Variants in ELL observed in about 807,000 individuals in gnomAD.
ELL encodes the protein elongation factor for RNA polymerase II.
ELL carries 18 observed loss-of-function variants against 64.0 expected under a neutral mutation model. The observed-to-expected ratio is 0.28, with a 90% CI of 0.19 to 0.42. The LOEUF (loss-of-function observed/expected upper bound fraction) is 0.42. ELL is among the 10% of genes least tolerant of loss of function. ELL has a pLI of 1.00. For missense variants in ELL, 797 were observed against 870.4 expected, an observed-to-expected ratio of 0.92 and a Z score of 1.06; for synonymous variants, 399 against 376.2, an observed-to-expected ratio of 1.06 and a Z score of -0.70.
In ELL at chr19:18,465,522, A is replaced by C. The variant is rs748308223; in HGVS notation, c.359T>G (p.Val120Gly). Residue 120 changes from valine (V) to glycine (G), a missense_variant, in exon 4 of 12, where the codon GTG becomes GGG. Val to Gly is a moderately radical substitution (Grantham distance 109, BLOSUM62 -3). Coordinates refer to ENST00000262809, the MANE Select transcript of ELL (RefSeq NM_006532.4). ...CTGGTAGGAGTCGTCGGTGGCACACACCGTGATCTTGTCCTGTATGCTGCC... is the reference window on the plus strand; with the variant it reads ...CTGGTAGGAGTCGTCGGTGGCACACCCCGTGATCTTGTCCTGTATGCTGCC... ...CLGSIQDKIT[V>G]CATDDSYQKA... 6.2e-7 allele frequency: 1 copy of C among 1,612,534 alleles called. No homozygotes were observed. Among genetic ancestry groups the C allele is most frequent in the Non-Finnish European group, 8.5e-7 (1 of 1,178,872 alleles).
chr19:18,499,099 G>A (rs1975726907), intron 1 of ELL, among the ~76,000 whole-genome samples: 2 of 152,188 alleles, frequency 1.3e-5, no homozygotes, highest in Admixed American at 1.3e-4. Context: ...TTAAAGCTGA[G>A]GCAGCTCTTG....
Position 18,480,507 on chromosome 19 carries a change from G to A in ELL, c.136-7625C>T, listed in dbSNP as rs555112861. ...AGAGCAGAGGGCAGGACCCACGGCA[G>A]CTCCTCTGCCAGCCTGGGAGGACAG... On this transcript the variant is annotated intron_variant, in intron 1 of 11. Coordinates refer to ENST00000262809, the MANE Select transcript of ELL (RefSeq NM_006532.4). Among the ~76,000 whole-genome samples, 209 of 152,350 alleles carry A rather than the reference G, an allele frequency of 1.4e-3. 1 individual carries two copies. Among genetic ancestry groups the A allele is most frequent in the African/African-American group, 4.9e-3 (203 of 41,586 alleles).
At chr19:18,478,132 C>T (rs113631103) in intron 1 of ELL, among the ~76,000 whole-genome samples, 63 of 152,278 alleles carry the variant, frequency 4.1e-4, no homozygotes, top group African/African-American at 1.3e-3. Flanking sequence ...CTGGTGGGGA[C>T]GCCTGACAGC....
intron 1 of ELL, among the ~76,000 whole-genome samples, chr19:18,511,907 A>T (rs942740410): frequency 6.6e-6 from 1 of 152,008 alleles, no homozygotes; most frequent in Non-Finnish European, 1.5e-5. Flanking sequence ...CTGTAATCCC[A>T]GCACTCTGGG....
At chr19:18,521,307 T>C (rs536319484) in intron 1 of ELL, among the ~76,000 whole-genome samples, 2 of 152,012 alleles carry the variant, frequency 1.3e-5, no homozygotes, top group Admixed American at 6.5e-5. Context: ...AAACTCCCCG[T>C]CCCAAGAACC....
chr19:18,479,874 C>T (rs1033675516), intron 1 of ELL, among the ~76,000 whole-genome samples: 1 of 152,070 alleles, frequency 6.6e-6, no homozygotes, highest in Non-Finnish European at 1.5e-5. Flanking sequence ...CAATGAGGCC[C>T]AAGGCAGCAG....
At chr19:18,495,627 G>C (rs551407303) in intron 1 of ELL, among the ~76,000 whole-genome samples, 7 of 152,350 alleles carry the variant, frequency 4.6e-5, no homozygotes, top group African/African-American at 1.7e-4. Context: ...GGTAGGCAGA[G>C]TGACAGGCGG....
intron 1 of ELL, among the ~76,000 whole-genome samples, chr19:18,488,064 T>C (rs1975455737): frequency 6.6e-6 from 1 of 152,076 alleles, no homozygotes; most frequent in African/African-American, 2.4e-5. Flanking sequence ...TGTGGTATGG[T>C]GTGGACATCC....
rs10409346 is a variant in ELL, at chr19:18,501,011, C to A, written c.135+20910G>T. On this transcript the variant is annotated intron_variant, in intron 1 of 11. Transcript: ENST00000262809. The surrounding 1 kb of genome is among the most constrained non-coding windows in gnomAD (Gnocchi z 4.5). ...GAGCAGAACCTGCAGGGAAGCAGGC[C>A]AACCTCCAACCACCGAACTTGGGCC... 0.32 allele frequency among the ~76,000 whole-genome samples: 48,431 copies of A among 151,872 alleles called. 9,664 individuals carry two copies. Among genetic ancestry groups the A allele is most frequent in the African/African-American group, 0.57 (23,509 of 41,362 alleles).
Position 18,450,676 on chromosome 19 carries a change from A to G in ELL, c.1266T>C (p.Thr422=). ...EHGEAAAPAP[T]VRLGLPLLTD... is the part of the protein sequence containing the mutation. ...TCAGCAGGGGCAGGCCGAGGCGCAC[A>G]GTGGGGGCTGGGGCAGCCGCCTCTC... Residue 422 remains threonine (T), a synonymous_variant, in exon 8 of 12, where the codon ACT becomes ACC. Coordinates refer to ENST00000262809, the MANE Select transcript of ELL (RefSeq NM_006532.4). The G allele has an allele frequency of 1.3e-6, 2 of 1,585,930 alleles. No homozygotes were observed. Among genetic ancestry groups the G allele is most frequent in the Non-Finnish European group, 1.7e-6 (2 of 1,167,014 alleles).
At chr19:18,487,127 C>A (rs947637717) in intron 1 of ELL, among the ~76,000 whole-genome samples, 3 of 152,188 alleles carry the variant, frequency 2.0e-5, no homozygotes, top group Non-Finnish European at 4.4e-5. Flanking sequence ...CTACCCCCCA[C>A]CAGGAGACCC....
intron 1 of ELL, among the ~76,000 whole-genome samples, chr19:18,510,843 C>A (rs1045607114): frequency 6.6e-6 from 1 of 152,102 alleles, no homozygotes; most frequent in African/African-American, 2.4e-5. Flanking sequence ...CAAATGAGGC[C>A]GGGAGCAGTG....
chr19:18,521,898 G>A (rs750121561), intron 1 of ELL, 23 bp downstream of exon 1: 9 of 1,561,090 alleles, frequency 5.8e-6, no homozygotes, highest in Non-Finnish European at 6.9e-6. Context: ...CCCCACTGGC[G>A]CGCCGGGCGC....
intron 2 of ELL, among the ~76,000 whole-genome samples, chr19:18,467,632 CACA>C (rs1974968699): frequency 2.7e-4 from 1 of 3,672 alleles, no homozygotes; most frequent in Non-Finnish European, 5.4e-4. Context: ...ACCACACAAC[CACA>C]CACACACACA....
At position 18,450,680 on chromosome 19, in the gene ELL, G is replaced by C; in HGVS notation, c.1262C>G (p.Pro421Arg). The C allele has an allele frequency of 6.3e-7, 1 of 1,586,422 alleles. No individual in the cohort carries two copies. The highest frequency in any genetic ancestry group is 1.1e-5 in the South Asian group (1 of 88,698). The change falls in exon 8 of 12, where the codon CCC becomes CGC. Residue 421 changes from proline (P) to arginine (R), a missense_variant. Transcript: ENST00000262809. ...CEHGEAAAPAPTVRLGLPLLT... is the reference protein window; with the variant it reads ...CEHGEAAAPARTVRLGLPLLT... ...CAGGGGCAGGCCGAGGCGCACAGTG[G>C]GGGCTGGGGCAGCCGCCTCTCCGTG... is the stretch of plus-strand genomic sequence containing the variant.
At chr19:18,463,474 C>A (rs993688658) in intron 4 of ELL, among the ~76,000 whole-genome samples, 1 of 151,574 alleles carries the variant, frequency 6.6e-6, no homozygotes, top group Non-Finnish European at 1.5e-5. Context: ...AGCTGGGACT[C>A]CAGGCGCACG....
At chr19:18,511,748 G>C (rs563822727) in intron 1 of ELL, among the ~76,000 whole-genome samples, 15 of 152,284 alleles carry the variant, frequency 9.9e-5, no homozygotes, top group African/African-American at 3.6e-4. Context: ...GCCAGGCACA[G>C]TGGCTCAAGC....
chr19:18,508,041 G>A (rs1975923383), intron 1 of ELL, among the ~76,000 whole-genome samples: 3 of 152,328 alleles, frequency 2.0e-5, no homozygotes, highest in South Asian at 2.1e-4. Context: ...AAATAAAGAG[G>A]CCGGTTCCCA....
chr19:18,473,272 C>A, intron 1 of ELL: 1 of 506,766 alleles, frequency 2.0e-6, no homozygotes, highest in Non-Finnish European at 3.8e-6. Context: ...CAGGAAAAAG[C>A]AAAGACAGGT....
Sources: gnomAD v4.1 joint callset for allele counts (sites outside exome capture counted in the v4.1 genomes callset) on GRCh38, gnomAD v4.1.1 for gene constraint, Gnocchi (gnomAD v3.1) non-coding constraint, MANE v1.5 for transcripts, NCBI Gene and HGNC (gene_info 2026-07-23, HGNC 2026-07-21) for gene names.